Variants in PACSIN1 observed in about 807,000 individuals in gnomAD.
PACSIN1 encodes protein kinase C and casein kinase substrate in neurons 1, also known as protein kinase C and casein kinase substrate in neurons protein 1.
Under a neutral mutation model 59.5 loss-of-function variants are expected in PACSIN1, and 15 were observed. The observed-to-expected ratio is 0.25, with a 90% CI of 0.17 to 0.39. The LOEUF (loss-of-function observed/expected upper bound fraction) is 0.39, where lower values mean the gene tolerates loss of function less well. Ranked by LOEUF, PACSIN1 falls within the 10% of genes least tolerant of loss-of-function variation. The pLI is 1.00. For missense variants in PACSIN1, 420 were observed against 580.2 expected, an observed-to-expected ratio of 0.72 and a Z score of 2.84; for synonymous variants, 210 against 220.6, an observed-to-expected ratio of 0.95 and a Z score of 0.42.
chr6:34,471,007 G>T (rs1452511591), intron 1 of PACSIN1, among the ~76,000 whole-genome samples: 1 of 152,066 alleles, frequency 6.6e-6, no homozygotes, highest in African/African-American at 2.4e-5. Context: ...GTGCAAGGCT[G>T]CGATCTAGGC....
Position 34,521,739 on chromosome 6 carries a change from G to A in PACSIN1, c.-63-4504G>A, listed in dbSNP as rs79379247. Among the ~76,000 whole-genome samples the A allele has an allele frequency of 0.066, 10,029 of 152,174 alleles. 410 individuals are homozygous for A. The highest frequency in any genetic ancestry group is 0.086 in the Non-Finnish European group (5,864 of 67,994). On this transcript the variant is annotated intron_variant, in intron 1 of 9. Transcript: ENST00000244458. This position sits in a 1 kb window ranked among gnomAD's most constrained non-coding sequence, Gnocchi z 4.3. ...AACGGCGGTGGTGGATGGATAGTAA[G>A]CGCCGACACCTGTGGAGAGCTCGCC...
chr6:34,532,335 G>A lies in PACSIN1; in HGVS notation c.1226-86G>A, dbSNP rs1767615048. 4.8e-6 allele frequency: 4 copies of A among 829,216 alleles called. No individual in the cohort carries two copies. Among genetic ancestry groups the A allele is most frequent in the Middle Eastern group, 3.1e-4 (1 of 3,264 alleles). 51.4% of individuals were successfully genotyped at this position (829,216 alleles called of 1,614,324 possible). ...AAACCCAGTGCAGTAATCAGGAGGT[G>A]GGTATTGGAGGGTTCCCCTAGCAGC... is the stretch of plus-strand genomic sequence containing the variant. On this transcript the variant is annotated intron_variant, in intron 9 of 9. Transcript: ENST00000244458. This position sits in a 1 kb window ranked among gnomAD's most constrained non-coding sequence, Gnocchi z 5.2.
At chr6:34,494,003 C>G (rs1425447825) in intron 1 of PACSIN1, among the ~76,000 whole-genome samples, 1 of 152,184 alleles carries the variant, frequency 6.6e-6, no homozygotes, top group Non-Finnish European at 1.5e-5. Flanking sequence ...CTAAAGGCAG[C>G]AAGAGAACAG....
intron 1 of PACSIN1, among the ~76,000 whole-genome samples, chr6:34,508,929 A>G (rs188020117): frequency 7.2e-5 from 11 of 152,240 alleles, no homozygotes; most frequent in African/African-American, 2.6e-4. Context: ...CTTGTTAGAT[A>G]TGTGGTTTGC....
rs975017064 is a variant in PACSIN1, at chr6:34,529,891, T to A, written c.788+50T>A. 7.6e-6 allele frequency: 12 copies of A among 1,577,450 alleles called. No homozygotes were observed. Among genetic ancestry groups the A allele is most frequent in the Non-Finnish European group, 7.8e-6 (9 of 1,156,504 alleles). Reference sequence around the variant, plus strand: ...GGGCACAGGCACAGCCAGCAGATGGTGTGACTGGCATGCAGGGCATCCCAG... The same window carrying A: ...GGGCACAGGCACAGCCAGCAGATGGAGTGACTGGCATGCAGGGCATCCCAG... On this transcript the variant is annotated intron_variant, in intron 6 of 9. Coordinates refer to ENST00000244458, the MANE Select transcript of PACSIN1 (RefSeq NM_020804.5). This position sits in a 1 kb window ranked among gnomAD's most constrained non-coding sequence, Gnocchi z 6.3.
chr6:34,481,618 C>G (rs1182625219), intron 1 of PACSIN1, among the ~76,000 whole-genome samples: 1 of 151,048 alleles, frequency 6.6e-6, no homozygotes, highest in Admixed American at 6.6e-5. Flanking sequence ...TGCAGTGAGC[C>G]GAGATCGTGC....
At chr6:34,501,800 G>A (rs965702394) in intron 1 of PACSIN1, among the ~76,000 whole-genome samples, 1 of 152,146 alleles carries the variant, frequency 6.6e-6, no homozygotes, top group South Asian at 2.1e-4. Context: ...GGAGGCCGAG[G>A]AGGGTGGATC....
rs56763761 is a variant in PACSIN1, at chr6:34,482,684, GTT to G, written c.-64+16426_-64+16427del. Among the ~76,000 whole-genome samples the G allele has an allele frequency of 2.7e-4, 38 of 139,034 alleles. 1 individual carries two copies. Among genetic ancestry groups the G allele is most frequent in the South Asian group, 1.4e-3 (6 of 4,420 alleles). 91.2% of individuals were successfully genotyped at this position (139,034 alleles called of 152,430 possible). ...ATGGTAACTCTATGTTTTTGTTTTT[GTT>G]TTTTTTTTTTTGAGACAGAGTCTCA... On this transcript the variant is annotated intron_variant, in intron 1 of 9. Transcript: ENST00000244458.
At position 34,531,563 on chromosome 6, in the gene PACSIN1, G is replaced by A. The variant is rs772416797; in HGVS notation, c.1038-37G>A. ...GGTTAGCCCTCGGGATGCGGTACGG[G>A]GAGACATTGAAGCTGGCTCCTTCCT... On this transcript the variant is annotated intron_variant, in intron 8 of 9. Transcript: ENST00000244458. This position sits in a 1 kb window ranked among gnomAD's most constrained non-coding sequence, Gnocchi z 4.4. 5.6e-6 allele frequency: 9 copies of A among 1,605,958 alleles called. No individual in the cohort carries two copies. In the East Asian group the frequency reaches 6.7e-5, roughly 12 times the overall value.
At chr6:34,482,933 C>T (rs1040268825) in intron 1 of PACSIN1, among the ~76,000 whole-genome samples, 1 of 151,514 alleles carries the variant, frequency 6.6e-6, no homozygotes, top group African/African-American at 2.4e-5. Flanking sequence ...GTGGTCTGCC[C>T]ACTTTGGCTT....
intron 1 of PACSIN1, among the ~76,000 whole-genome samples, chr6:34,487,077 G>A (rs1766805522): frequency 6.6e-6 from 1 of 152,008 alleles, no homozygotes; most frequent in Admixed American, 6.6e-5. Context: ...GGCTGAGGTG[G>A]GAGGATCAGC....
Position 34,521,053 on chromosome 6 carries a change from C to T in PACSIN1, c.-63-5190C>T, listed in dbSNP as rs945551522. Among the ~76,000 whole-genome samples, 1 of 152,208 alleles carries T rather than the reference C, an allele frequency of 6.6e-6. No homozygotes were observed. Among genetic ancestry groups the T allele is most frequent in the East Asian group, 1.9e-4 (1 of 5,202 alleles). Reference sequence around the variant, plus strand: ...TCATTCATTCAACAAAAGTGCACTGCGCACTTACTATGTTGCCGGCACTGC... The same window carrying T: ...TCATTCATTCAACAAAAGTGCACTGTGCACTTACTATGTTGCCGGCACTGC... On this transcript the variant is annotated intron_variant, in intron 1 of 9. Coordinates refer to ENST00000244458, the MANE Select transcript of PACSIN1 (RefSeq NM_020804.5). The surrounding 1 kb of genome is among the most constrained non-coding windows in gnomAD (Gnocchi z 4.3).
At chr6:34,511,534 G>A (rs1039667302) in intron 1 of PACSIN1, among the ~76,000 whole-genome samples, 3 of 152,182 alleles carry the variant, frequency 2.0e-5, no homozygotes, top group Non-Finnish European at 4.4e-5. Context: ...CTCAGTGATT[G>A]TAATATTTGT....
chr6:34,476,207 G>A (rs949711705), intron 1 of PACSIN1, among the ~76,000 whole-genome samples: 1 of 152,166 alleles, frequency 6.6e-6, no homozygotes, highest in Non-Finnish European at 1.5e-5. Flanking sequence ...ATGACAACAC[G>A]ATGTCTGTTG....
rs529020023 is a variant in PACSIN1 at position 34,499,407 on chromosome 6, TG to T, written c.-63-26832del. Among the ~76,000 whole-genome samples the T allele has an allele frequency of 1.3e-3, 201 of 150,960 alleles. 3 individuals are homozygous for T. The highest frequency in any genetic ancestry group is 2.0e-3 in the Non-Finnish European group (138 of 67,850). On this transcript the variant is annotated intron_variant, in intron 1 of 9. Coordinates refer to ENST00000244458, the MANE Select transcript of PACSIN1 (RefSeq NM_020804.5). ...CAGTAGCAATCTGTGGCCCAGGGGTTGGGGACTCCTGTTATACTAGATACAA... is the reference window on the plus strand; with the variant it reads ...CAGTAGCAATCTGTGGCCCAGGGGTTGGGACTCCTGTTATACTAGATACAA...
intron 1 of PACSIN1, among the ~76,000 whole-genome samples, chr6:34,522,151 C>T (rs937343194): frequency 6.6e-6 from 1 of 152,198 alleles, no homozygotes. Flanking sequence ...GCCTTGCTTC[C>T]GCTCTCCCTC....
At chr6:34,505,263 T>C (rs1342373900) in intron 1 of PACSIN1, among the ~76,000 whole-genome samples, 1 of 152,188 alleles carries the variant, frequency 6.6e-6, no homozygotes, top group Non-Finnish European at 1.5e-5. Context: ...GTTTTCAAGA[T>C]TTTTTCATTG....
intron 1 of PACSIN1, among the ~76,000 whole-genome samples, chr6:34,483,427 G>A (rs1581960465): frequency 1.3e-5 from 2 of 152,252 alleles, no homozygotes; most frequent in South Asian, 2.1e-4. Flanking sequence ...CTGTAATGCT[G>A]TGGGACAGAG....
At position 34,468,018 on chromosome 6, in the gene PACSIN1, C is replaced by T. The variant is rs565487869; in HGVS notation, c.-64+1748C>T. Reference sequence around the variant, plus strand: ...TGTGAAGGTCTGGCTCTCCTCAGGCCGCTGGGTTGGCACTTTCTTCCCGGG... The same window carrying T: ...TGTGAAGGTCTGGCTCTCCTCAGGCTGCTGGGTTGGCACTTTCTTCCCGGG... On this transcript the variant is annotated intron_variant, in intron 1 of 9. Coordinates refer to ENST00000244458, the MANE Select transcript of PACSIN1 (RefSeq NM_020804.5). Among the ~76,000 whole-genome samples, 7 of 152,300 alleles carry T rather than the reference C, an allele frequency of 4.6e-5. No individual in the cohort carries two copies. The South Asian group carries it at 6.2e-4, about 14-fold the overall frequency.
Sources: allele counts gnomAD v4.1 joint callset (sites outside exome capture counted in the v4.1 genomes callset), GRCh38; gene constraint gnomAD v4.1.1; non-coding constraint Gnocchi (gnomAD v3.1); transcripts MANE v1.5; gene names NCBI Gene and HGNC (gene_info 2026-07-23, HGNC 2026-07-21).